TRPV3: variants seen among roughly 807,000 people sequenced by gnomAD.
TRPV3 encodes transient receptor potential cation channel subfamily V member 3.
Under a neutral mutation model 87.1 loss-of-function variants are expected in TRPV3, and 88 were observed. The ratio of observed to expected loss-of-function variants is 1.01; its 90% CI spans 0.85 to 1.21. The LOEUF (loss-of-function observed/expected upper bound fraction) is 1.21. Ranked by LOEUF, TRPV3 falls within the 50% of genes most tolerant of loss-of-function variation. TRPV3 has a pLI of 0.00. For synonymous variants in TRPV3, 438 were observed against 423.3 expected (o/e 1.03, Z -0.43); for missense variants, 1,054 against 1,030.1 (o/e 1.02, Z -0.32).
chr17:3,512,797 C>T lies in TRPV3; in HGVS notation c.*1120G>A, dbSNP rs1395409075. On this transcript the variant is annotated 3_prime_UTR_variant, in exon 18 of 18. Transcript: ENST00000576742. ...CTCTCACAAGCTTCCCCTTCAGCTT[C>T]AAAATTCACAGTTAAAATTAAAAAA... 2 of 151,970 alleles carry T rather than the reference C, an allele frequency of 1.3e-5. No homozygotes were observed. The highest frequency in any genetic ancestry group is 2.9e-5 in the Non-Finnish European group (2 of 68,016). The allele number at this position is 151,970 out of a possible 1,614,324, so 9.4% of individuals were successfully genotyped here. A position where few individuals can be genotyped will look rare whatever the true frequency, so the allele number is the denominator to read the frequency against.
At chr17:3,554,942 C>G in intron 1 of TRPV3, 90 bp from the exon 2 acceptor site, 1 of 709,136 alleles carries the variant, frequency 1.4e-6, no homozygotes, top group Non-Finnish European at 2.4e-6. Flanking sequence ...GCATCCAGCT[C>G]CCGTTCACAC....
intron 6 of TRPV3, among the ~76,000 whole-genome samples, chr17:3,540,688 T>C (rs1013423779): frequency 2.0e-5 from 3 of 152,124 alleles, no homozygotes; most frequent in African/African-American, 7.2e-5. Context: ...AGTCCTACAA[T>C]ACTGACAAGA....
rs2074338758 is a variant in TRPV3 at position 3,530,353 on chromosome 17, G to T, written c.1066-150C>A. On this transcript the variant is annotated intron_variant, in intron 8 of 17. Coordinates refer to ENST00000576742, the MANE Select transcript of TRPV3 (RefSeq NM_145068.4). The surrounding 1 kb of genome is among the most constrained non-coding windows in gnomAD (Gnocchi z 4.0). ...CTGCGCCTGGCGCCATGGCCCCTGG[G>T]CCCCGTCTTTATCTGTGGAATGCGC... 1.1e-5 allele frequency: 8 copies of T among 696,496 alleles called. No homozygotes were observed. The highest frequency in any genetic ancestry group is 1.8e-5 in the Non-Finnish European group (8 of 433,944). The allele number at this position is 696,496 out of a possible 1,614,324, so 43.1% of individuals were successfully genotyped here.
intron 6 of TRPV3, among the ~76,000 whole-genome samples, chr17:3,542,249 G>A (rs888428598): frequency 1.3e-5 from 2 of 152,236 alleles, no homozygotes. Context: ...GAGCCACCAC[G>A]CCCGGCCTTA....
chr17:3,539,354 G>A (rs1268149938), intron 6 of TRPV3, among the ~76,000 whole-genome samples: 1 of 152,048 alleles, frequency 6.6e-6, no homozygotes, highest in Non-Finnish European at 1.5e-5. Flanking sequence ...CTCTATTCAT[G>A]TGACGTGGAT....
chr17:3,531,079 C>CAA (rs1272686498), intron 8 of TRPV3, among the ~76,000 whole-genome samples: 9 of 143,036 alleles, frequency 6.3e-5, no homozygotes, highest in African/African-American at 2.6e-4. Flanking sequence ...ACAAAACAAA[C>CAA]AAACAAAAAA....
At chr17:3,517,260 ATC>A (rs56750229) in intron 15 of TRPV3, among the ~76,000 whole-genome samples, 24,873 of 151,946 alleles carry the variant, frequency 0.16, 2,839 homozygotes, top group East Asian at 0.56. Flanking sequence ...CAGGCTTGGA[ATC>A]TCTCTGCAGT....
At chr17:3,534,962 G>C (rs569483130) in intron 7 of TRPV3, among the ~76,000 whole-genome samples, 138 of 152,092 alleles carry the variant, frequency 9.1e-4, no homozygotes, top group Non-Finnish European at 1.6e-3. Context: ...TGACACCACC[G>C]GAACATGGAC....
chr17:3,538,987 C>A (rs374831938), intron 6 of TRPV3, among the ~76,000 whole-genome samples: 1 of 152,158 alleles, frequency 6.6e-6, no homozygotes. Context: ...TAGACAAGAT[C>A]GTGCACTGTG....
chr17:3,525,069 G>T (rs1029743985), intron 12 of TRPV3, among the ~76,000 whole-genome samples: 1 of 152,218 alleles, frequency 6.6e-6, no homozygotes, highest in Non-Finnish European at 1.5e-5. Flanking sequence ...ACCTAGGCTG[G>T]AGTACAGTGG....
At chr17:3,533,722 C>G (rs910715563) in intron 7 of TRPV3, among the ~76,000 whole-genome samples, 1 of 152,198 alleles carries the variant, frequency 6.6e-6, no homozygotes, top group African/African-American at 2.4e-5. Flanking sequence ...TGGTCTTGAA[C>G]TCCTGACCTC....
In TRPV3 at chr17:3,513,669, A is replaced by G; in HGVS notation, c.*248T>C. 2.4e-6 allele frequency: 1 copy of G among 411,502 alleles called. No homozygotes were observed. Among genetic ancestry groups the G allele is most frequent in the African/African-American group, 2.0e-5 (1 of 49,966 alleles). 25.5% of individuals were successfully genotyped at this position (411,502 alleles called of 1,614,324 possible). A position where few individuals can be genotyped will look rare whatever the true frequency, so the allele number is the denominator to read the frequency against. ...ACTTCAGGAGGCTCCCAGGCTCCAG[A>G]CTGCTGCTGGCTGTAGGTTTACACC... On this transcript the variant is annotated 3_prime_UTR_variant, in exon 18 of 18. Transcript: ENST00000576742.
At chr17:3,535,801 A>C in intron 6 of TRPV3, 88 bp from the exon 7 acceptor site, 2 of 1,340,424 alleles carry the variant, frequency 1.5e-6, no homozygotes, top group Non-Finnish European at 1.9e-6. Flanking sequence ...ACCCTCCCCG[A>C]ACCCACGGGG....
intron 13 of TRPV3, among the ~76,000 whole-genome samples, chr17:3,522,308 G>C (rs1597469698): frequency 6.6e-6 from 1 of 152,240 alleles, no homozygotes; most frequent in South Asian, 2.1e-4. Flanking sequence ...CCTGAGAGGA[G>C]AACAGTAGTC....
intron 1 of TRPV3, among the ~76,000 whole-genome samples, chr17:3,555,975 A>C (rs1246927022): frequency 6.6e-6 from 1 of 152,118 alleles, no homozygotes. Flanking sequence ...TCAGGAGTTC[A>C]AGACCAGCCT....
At chr17:3,514,061 G>C in intron 17 of TRPV3, 50 bp from the exon 18 acceptor site, 1 of 1,441,410 alleles carries the variant, frequency 6.9e-7, no homozygotes. Context: ...TCTGCATAGT[G>C]TGTTTCTTTT....
At chr17:3,543,384 C>T (rs1397454005) in intron 5 of TRPV3, 90 bp downstream of exon 5, 1 of 1,528,776 alleles carries the variant, frequency 6.5e-7, no homozygotes, top group African/African-American at 1.4e-5. Flanking sequence ...ACACTCCAGC[C>T]TCATGGGTTG....
Position 3,544,580 on chromosome 17 carries a change from T to C in TRPV3, c.310A>G (p.Ser104Gly). Reference sequence around the variant, plus strand: ...GTGGAGGGGGAGGGGCAGACTTACCTGGGGCTGTTGGGATTGGATGGGGTC... The same window carrying C: ...GTGGAGGGGGAGGGGCAGACTTACCCGGGGCTGTTGGGATTGGATGGGGTC... Reference protein sequence around the residue: ...TETPSNPNSPSAQLAKEEQRR... With the variant: ...TETPSNPNSPGAQLAKEEQRR... Residue 104 changes from serine to glycine, a missense_variant and splice_region_variant, in exon 4 of 18, where the codon AGT becomes GGT. Physicochemically the swap from Ser to Gly is moderately conservative, Grantham distance 56. Transcript: ENST00000576742. 2 of 1,600,680 alleles carry C rather than the reference T, an allele frequency of 1.2e-6. No homozygotes were observed. Among genetic ancestry groups the C allele is most frequent in the South Asian group, 2.2e-5 (2 of 89,572 alleles).
Position 3,557,477 on chromosome 17 carries a change from C to T in TRPV3, c.-3+199G>A, listed in dbSNP as rs1217592657. 6.6e-6 allele frequency among the ~76,000 whole-genome samples: 1 copy of T among 152,220 alleles called. No homozygotes were observed. Among genetic ancestry groups the T allele is most frequent in the Non-Finnish European group, 1.5e-5 (1 of 68,038 alleles). The stretch of plus-strand genomic sequence containing the variant: ...GTAAGGACCTATATTCTCACACATC[C>T]CTACAGCCAAGAGTGCAGCCAAGAG... On this transcript the variant is annotated intron_variant, in intron 1 of 17. Transcript: ENST00000576742. This position sits in a 1 kb window ranked among gnomAD's most constrained non-coding sequence, Gnocchi z 4.5.
Sources: gnomAD v4.1 joint callset for allele counts (sites outside exome capture counted in the v4.1 genomes callset) on GRCh38, gnomAD v4.1.1 for gene constraint, Gnocchi (gnomAD v3.1) non-coding constraint, MANE v1.5 for transcripts, NCBI Gene and HGNC (gene_info 2026-07-23, HGNC 2026-07-21) for gene names.